CSMD1: variants seen among roughly 807,000 people sequenced by gnomAD.
CSMD1 encodes CUB and sushi domain-containing protein 1.
Under a neutral mutation model 417.5 loss-of-function variants are expected in CSMD1, and 213 were observed. The ratio of observed to expected loss-of-function variants is 0.51; its 90% CI spans 0.46 to 0.57. CSMD1 has a LOEUF of 0.57. CSMD1 is among the 20% of genes least tolerant of loss of function. The pLI is 0.00. For synonymous variants in CSMD1, 2,862 were observed against 1,736.8 expected (o/e 1.65, Z -16.11); for missense variants, 6,923 against 4,529.7 (o/e 1.53, Z -15.17).
At chr8:4,777,646 A>G (rs551251108) in intron 1 of CSMD1, among the ~76,000 whole-genome samples, 2 of 152,346 alleles carry the variant, frequency 1.3e-5, no homozygotes, top group Admixed American at 6.5e-5. Flanking sequence ...AAAATACTGT[A>G]TTAGCTTGGT....
chr8:4,262,026 CTCCT>C lies in CSMD1; in HGVS notation c.415+157923_415+157926del, dbSNP rs778575234. ...TTCTGAGACTGCTTAATCTTTAGTACTCCTTCCTTATTATTGTCCCATATTTTAG... is the reference window on the plus strand; with the variant it reads ...TTCTGAGACTGCTTAATCTTTAGTACTCCTTATTATTGTCCCATATTTTAG... On this transcript the variant is annotated intron_variant, in intron 3 of 69. Coordinates refer to ENST00000635120, the MANE Select transcript of CSMD1 (RefSeq NM_033225.6). 9.2e-4 allele frequency among the ~76,000 whole-genome samples: 140 copies of C among 152,112 alleles called. 3 individuals carry two copies. Among genetic ancestry groups the C allele is most frequent in the African/African-American group, 8.9e-4 (37 of 41,494 alleles).
At chr8:3,503,032 G>T (rs900793980) in intron 10 of CSMD1, among the ~76,000 whole-genome samples, 1 of 152,130 alleles carries the variant, frequency 6.6e-6, no homozygotes, top group Non-Finnish European at 1.5e-5. Context: ...GATCAATTTT[G>T]CTGTGCAAAC....
chr8:3,010,603 G>A (rs970143497), intron 52 of CSMD1, among the ~76,000 whole-genome samples: 2 of 152,086 alleles, frequency 1.3e-5, no homozygotes, highest in African/African-American at 4.8e-5. Flanking sequence ...TTTACCCCAT[G>A]CCTGCTTGCT....
chr8:3,545,820 G>A (rs766592610), intron 10 of CSMD1, among the ~76,000 whole-genome samples: 1 of 152,234 alleles, frequency 6.6e-6, no homozygotes, highest in South Asian at 2.1e-4. Context: ...CAGGAAGCAA[G>A]TTATTTAGTA....
intron 3 of CSMD1, among the ~76,000 whole-genome samples, chr8:4,220,503 A>G (rs528415984): frequency 2.0e-5 from 3 of 152,240 alleles, no homozygotes; most frequent in African/African-American, 7.2e-5. Flanking sequence ...TGTAAGAAAT[A>G]TCTAATCCTA....
At chr8:4,621,250 A>G (rs535930119) in intron 2 of CSMD1, among the ~76,000 whole-genome samples, 1 of 152,114 alleles carries the variant, frequency 6.6e-6, no homozygotes, top group Non-Finnish European at 1.5e-5. Flanking sequence ...TGTACATCTT[A>G]TATACATAAC....
intron 12 of CSMD1, among the ~76,000 whole-genome samples, chr8:3,454,720 A>T (rs1213539746): frequency 5.9e-5 from 9 of 152,270 alleles, no homozygotes; most frequent in South Asian, 4.1e-4. Context: ...GGGTAACCCG[A>T]CCTTTCTCTC....
chr8:4,064,476 C>T (rs1381934253), intron 3 of CSMD1, among the ~76,000 whole-genome samples: 1 of 152,206 alleles, frequency 6.6e-6, no homozygotes, highest in Non-Finnish European at 1.5e-5. Flanking sequence ...CTGTAGCTGT[C>T]TAGAGCTGCA....
At chr8:4,846,300 T>C (rs1414296617) in intron 1 of CSMD1, among the ~76,000 whole-genome samples, 1 of 152,224 alleles carries the variant, frequency 6.6e-6, no homozygotes, top group Non-Finnish European at 1.5e-5. Context: ...TTTCCATGTA[T>C]ACCTTACTAT....
At chr8:4,104,415 C>T (rs1585320945) in intron 3 of CSMD1, among the ~76,000 whole-genome samples, 1 of 149,024 alleles carries the variant, frequency 6.7e-6, no homozygotes, top group Non-Finnish European at 1.5e-5. Flanking sequence ...CATGCACACG[C>T]ACACACACAT....
In CSMD1 at chr8:3,709,680, G is replaced by GGCTTTTTTTTTTTT. The variant is rs1554518393; in HGVS notation, c.932-1190_932-1189insAAAAAAAAAAAAGC. Among the ~76,000 whole-genome samples, 189 of 33,692 alleles carry GGCTTTTTTTTTTTT rather than the reference G, an allele frequency of 5.6e-3. 20 individuals are homozygous for GGCTTTTTTTTTTTT. The highest frequency in any genetic ancestry group is 0.019 in the African/African-American group (178 of 9,442). The allele number at this position is 33,692 out of a possible 152,430, so 22.1% of individuals were successfully genotyped here. On this transcript the variant is annotated intron_variant, in intron 6 of 69. Coordinates refer to ENST00000635120, the MANE Select transcript of CSMD1 (RefSeq NM_033225.6). ...GATGGGCTTTAAATTGCAGCAGCAT[G>GGCTTTTTTTTTTTT]TTTTTTTTTTTTTTTTTTTTTTTTT... is the stretch of plus-strand genomic sequence containing the variant.
At chr8:4,718,863 A>T (rs1808858902) in intron 1 of CSMD1, among the ~76,000 whole-genome samples, 1 of 152,122 alleles carries the variant, frequency 6.6e-6, no homozygotes, top group Non-Finnish European at 1.5e-5. Flanking sequence ...AAAGTACCAA[A>T]ATGTAAATGA....
At chr8:3,431,226 A>G (rs1814199647) in intron 12 of CSMD1, among the ~76,000 whole-genome samples, 1 of 152,138 alleles carries the variant, frequency 6.6e-6, no homozygotes, top group Non-Finnish European at 1.5e-5. Context: ...AGGTCCATGC[A>G]ACAGCTGAAA....
intron 1 of CSMD1, among the ~76,000 whole-genome samples, chr8:4,684,340 C>G (rs1428463936): frequency 2.6e-5 from 4 of 152,160 alleles, no homozygotes; most frequent in Admixed American, 2.0e-4. Context: ...CAACATATAA[C>G]CTACCTTCTT....
At chr8:3,499,789 A>T (rs890115934) in intron 10 of CSMD1, among the ~76,000 whole-genome samples, 1 of 151,914 alleles carries the variant, frequency 6.6e-6, no homozygotes, top group Admixed American at 6.6e-5. Flanking sequence ...TGGTGGGATG[A>T]TGGCTGCGTT....
intron 2 of CSMD1, among the ~76,000 whole-genome samples, chr8:4,622,994 G>C (rs1422219998): frequency 6.6e-6 from 1 of 151,866 alleles, no homozygotes; most frequent in Non-Finnish European, 1.5e-5. Context: ...AAACACAAAA[G>C]AAAAAACATA....
chr8:4,734,107 GTTTATT>G (rs1810071471), intron 1 of CSMD1, among the ~76,000 whole-genome samples: 3 of 152,014 alleles, frequency 2.0e-5, no homozygotes. Context: ...CATCAAAAGA[GTTTATT>G]TTTATCAAAA....
chr8:4,466,336 A>T lies in CSMD1; in HGVS notation c.303-46271T>A, dbSNP rs547624941. On this transcript the variant is annotated intron_variant, in intron 2 of 69. Coordinates refer to ENST00000635120, the MANE Select transcript of CSMD1 (RefSeq NM_033225.6). ...AGAAGAGGGAAGAAAGAAAGGGAAG[A>T]AAAGTTGACAGAGGTTGACAAGGAC... is the stretch of plus-strand genomic sequence containing the variant. 2.0e-5 allele frequency among the ~76,000 whole-genome samples: 3 copies of T among 152,258 alleles called. No individual in the cohort carries two copies. The East Asian group carries it at 5.8e-4, about 29-fold the overall frequency.
In CSMD1 at chr8:4,138,163, C is replaced by T. The variant is rs909549302; in HGVS notation, c.416-106064G>A. Among the ~76,000 whole-genome samples, 20 of 146,446 alleles carry T rather than the reference C, an allele frequency of 1.4e-4. 5 individuals carry two copies. In the Admixed American group the frequency reaches 1.4e-3, roughly 10 times the overall value. ...ATCTCCTGACCTCATGATCCTCCCA[C>T]CTGGGCCTCCCAAAGTGCTGGGATT... On this transcript the variant is annotated intron_variant, in intron 3 of 69. Transcript: ENST00000635120.
Sources: gnomAD v4.1 joint callset for allele counts (sites outside exome capture counted in the v4.1 genomes callset) on GRCh38, gnomAD v4.1.1 for gene constraint, MANE v1.5 for transcripts, NCBI Gene and HGNC (gene_info 2026-07-23, HGNC 2026-07-21) for gene names.